RBM25: variants seen among roughly 807,000 people sequenced by gnomAD.
RBM25 encodes RNA-binding protein 25.
A neutral mutation model predicts 120.7 loss-of-function variants in RBM25; 19 were observed. The observed-to-expected ratio is 0.16, with a 90% CI of 0.11 to 0.23. The LOEUF is 0.23. Among genes scored for constraint, RBM25 ranks in the 10% least tolerant of loss-of-function variants. RBM25 has a pLI of 1.00. For missense variants in RBM25, 605 were observed against 1,041.5 expected (o/e 0.58, Z 5.77); for synonymous variants, 390 against 326.7 (o/e 1.19, Z -2.09).
At chr14:73,060,725 T>G (rs1311900547) in intron 1 of RBM25, among the ~76,000 whole-genome samples, 2 of 151,520 alleles carry the variant, frequency 1.3e-5, no homozygotes, top group Non-Finnish European at 3.0e-5. Context: ...GGCTTTTAAC[T>G]TTTTATTTAG....
chr14:73,107,368 A>T (rs1031596830), intron 12 of RBM25: 1 of 153,180 alleles, frequency 6.5e-6, no homozygotes, highest in Non-Finnish European at 1.4e-5. Context: ...ATTTAAGAGG[A>T]CAAGAAAAAT....
chr14:73,061,066 T>C (rs1481227468), intron 1 of RBM25, among the ~76,000 whole-genome samples: 1 of 150,958 alleles, frequency 6.6e-6, no homozygotes, highest in Non-Finnish European at 1.5e-5. Context: ...TTTTTTTTTT[T>C]TCCTTTTTGG....
At chr14:73,063,528 T>C (rs1895055364) in intron 1 of RBM25, among the ~76,000 whole-genome samples, 1 of 151,428 alleles carries the variant, frequency 6.6e-6, no homozygotes, top group African/African-American at 2.4e-5. Context: ...AAAAATGCTA[T>C]GGAAATGATT....
At chr14:73,085,636 G>A (rs1402084734) in intron 5 of RBM25, among the ~76,000 whole-genome samples, 5 of 151,506 alleles carry the variant, frequency 3.3e-5, no homozygotes, top group East Asian at 2.0e-4. Context: ...TAATAGAGGC[G>A]GGATTTTGCC....
At chr14:73,090,014 C>T (rs1221478316) in intron 6 of RBM25, among the ~76,000 whole-genome samples, 1 of 151,788 alleles carries the variant, frequency 6.6e-6, no homozygotes, top group Non-Finnish European at 1.5e-5. Context: ...TATGTGAGAC[C>T]CATCCTTAAT....
intron 13 of RBM25, 63 bp from the exon 14 acceptor site, chr14:73,109,279 T>C (rs890576232): frequency 1.6e-5 from 25 of 1,520,504 alleles, no homozygotes; most frequent in Non-Finnish European, 2.0e-5. Context: ...CTGTTGGAGA[T>C]GTCATGTTTA....
intron 7 of RBM25, 141 bp downstream of exon 7, chr14:73,097,241 C>T: frequency 1.8e-6 from 1 of 554,522 alleles, no homozygotes; most frequent in East Asian, 4.1e-5. Flanking sequence ...CACTTTGTCT[C>T]CCAGGCTGGA....
chr14:73,085,580 G>T (rs1895666375), intron 5 of RBM25, among the ~76,000 whole-genome samples: 1 of 151,796 alleles, frequency 6.6e-6, no homozygotes, highest in Non-Finnish European at 1.5e-5. Flanking sequence ...GAGTAGCCAG[G>T]ATTACAGGCG....
At chr14:73,068,532 A>G in intron 1 of RBM25, 1 of 757,362 alleles carries the variant, frequency 1.3e-6, no homozygotes, top group Non-Finnish European at 2.2e-6. Flanking sequence ...AGTGGTTTTA[A>G]CATTAGATGA....
chr14:73,111,337 GCCT>G, intron 15 of RBM25, 182 bp downstream of exon 15: 2 of 836,742 alleles, frequency 2.4e-6, no homozygotes, highest in Non-Finnish European at 3.6e-6. Context: ...ATCTGCAGCT[GCCT>G]CGAGTTCTGA....
chr14:73,109,771 C>T lies in RBM25; in HGVS notation c.1692+279C>T, dbSNP rs1310419240. On this transcript the variant is annotated intron_variant, in intron 14 of 18. Transcript: ENST00000261973. ...TCGCGCCACTGCACTCCAGCCTGGG[C>T]GACAGAGCCCCTGACTCCTGGGTTC... 7.2e-5 allele frequency among the ~76,000 whole-genome samples: 11 copies of T among 152,204 alleles called. 1 individual carries two copies. In the South Asian group the frequency reaches 1.7e-3, roughly 23 times the overall value.
intron 4 of RBM25, among the ~76,000 whole-genome samples, 168 bp downstream of exon 4, chr14:73,077,704 C>T (rs184566232): frequency 6.6e-6 from 1 of 152,160 alleles, no homozygotes; most frequent in African/African-American, 2.4e-5. Context: ...CCTAGATTCA[C>T]CAATGAACAT....
chr14:73,097,838 C>G (rs1251088396), intron 7 of RBM25, among the ~76,000 whole-genome samples: 4 of 152,196 alleles, frequency 2.6e-5, no homozygotes, highest in Non-Finnish European at 5.9e-5. Context: ...TGAAACATTC[C>G]TCCTCAGTGA....
intron 9 of RBM25, 102 bp downstream of exon 9, chr14:73,099,852 A>G (rs1896023708): frequency 1.4e-6 from 2 of 1,390,826 alleles, no homozygotes; most frequent in East Asian, 5.4e-5. Flanking sequence ...ATAATTTTAA[A>G]TGTTTTTTAT....
At position 73,083,842 on chromosome 14, in the gene RBM25, A is replaced by C. The variant is rs145230942; in HGVS notation, c.382+291A>C. ...CTCTTTTGTCTCAAGAAATGACTGC[A>C]TGATCAAAATGGAACAATTAGTAAG... On this transcript the variant is annotated intron_variant, in intron 5 of 18. Coordinates refer to ENST00000261973, the MANE Select transcript of RBM25 (RefSeq NM_021239.3). Among the ~76,000 whole-genome samples, 909 of 151,950 alleles carry C rather than the reference A, an allele frequency of 6.0e-3. 12 individuals are homozygous for C. Among genetic ancestry groups the C allele is most frequent in the African/African-American group, 0.021 (862 of 41,432 alleles).
chr14:73,077,186 C>T (rs1306576043), intron 3 of RBM25, among the ~76,000 whole-genome samples, 183 bp from the exon 4 acceptor site: 1 of 152,118 alleles, frequency 6.6e-6, no homozygotes, highest in Non-Finnish European at 1.5e-5. Context: ...GTTTACTTGT[C>T]ACAAATAAGT....
At chr14:73,087,980 A>G (rs377477226) in intron 5 of RBM25, 21 bp from the exon 6 acceptor site, 19 of 1,596,464 alleles carry the variant, frequency 1.2e-5, no homozygotes, top group Non-Finnish European at 1.6e-5. Context: ...TATTTCACTA[A>G]TTGTTTTCAT....
At chr14:73,102,132 G>C (rs1896068815) in intron 9 of RBM25, 1 of 152,160 alleles carries the variant, frequency 6.6e-6, no homozygotes, top group African/African-American at 2.4e-5. Flanking sequence ...ACTGAGAAAA[G>C]AAAAATGCAC....
At chr14:73,103,948 T>TCTCTCTCTCTCACACA (rs1594928335) in intron 10 of RBM25, among the ~76,000 whole-genome samples, 16 of 91,422 alleles carry the variant, frequency 1.8e-4, no homozygotes, top group Non-Finnish European at 2.9e-4. Context: ...TCTCTCTCTC[T>TCTCTCTCTCTCACACA]CACACACACA....
Sources: gnomAD v4.1 joint callset for allele counts (sites outside exome capture counted in the v4.1 genomes callset) on GRCh38, gnomAD v4.1.1 for gene constraint, MANE v1.5 for transcripts, NCBI Gene and HGNC (gene_info 2026-07-23, HGNC 2026-07-21) for gene names.